Variants in LARGE1 observed in about 807,000 individuals in gnomAD.
LARGE1 encodes the protein xylosyl- and glucuronyltransferase LARGE1.
Under a neutral mutation model 87.6 loss-of-function variants are expected in LARGE1, and 43 were observed. The observed-to-expected ratio is 0.49, with a 90% CI of 0.38 to 0.63. The LOEUF is 0.63. LARGE1 is among the 30% of genes least tolerant of loss of function. LARGE1 has a pLI of 0.00. For synonymous variants in LARGE1, 434 were observed against 394.6 expected, an observed-to-expected ratio of 1.10 and a Z score of -1.18; for missense variants, 802 against 1,000.2, an observed-to-expected ratio of 0.80 and a Z score of 2.67.
the LARGE1 span, among the ~76,000 whole-genome samples, chr22:33,137,713 CCT>C: frequency 1.3e-5 from 2 of 151,966 alleles, no homozygotes. Flanking sequence ...GACTTGGTGC[CCT>C]GTGTCCCAGT....
At chr22:33,787,786 A>G (rs1157221278) in intron 1 of LARGE1, among the ~76,000 whole-genome samples, 1 of 152,232 alleles carries the variant, frequency 6.6e-6, no homozygotes, top group Non-Finnish European at 1.5e-5. Flanking sequence ...ACACTTGGTA[A>G]GAAGGAACTG....
At chr22:33,455,073 T>C (rs1007031250) in intron 6 of LARGE1, among the ~76,000 whole-genome samples, 15 of 152,256 alleles carry the variant, frequency 9.9e-5, no homozygotes, top group African/African-American at 3.4e-4. Context: ...ATATGTGTGT[T>C]TGACAGAAGG....
chr22:33,546,434 G>A (rs1228494174), intron 6 of LARGE1, among the ~76,000 whole-genome samples: 1 of 152,124 alleles, frequency 6.6e-6, no homozygotes, highest in Admixed American at 6.6e-5. Flanking sequence ...CCCAGGTTCC[G>A]AAATTAATGA....
intron 1 of LARGE1, among the ~76,000 whole-genome samples, chr22:33,868,421 T>A: frequency 6.6e-6 from 1 of 152,184 alleles, no homozygotes; most frequent in East Asian, 1.9e-4. Flanking sequence ...TCTTCCTGTA[T>A]CTGATCTACA....
At chr22:33,088,362 T>C in the LARGE1 span, among the ~76,000 whole-genome samples, 1 of 152,186 alleles carries the variant, frequency 6.6e-6, no homozygotes, top group Admixed American at 6.5e-5. Flanking sequence ...GTGTTAGATT[T>C]CCCTTCTTCA....
chr22:33,302,002 A>G (rs1934212195), intron 12 of LARGE1, among the ~76,000 whole-genome samples: 2 of 152,246 alleles, frequency 1.3e-5, no homozygotes, highest in African/African-American at 2.4e-5. Flanking sequence ...GGGCCAGCTC[A>G]CTTTCAATTG....
the LARGE1 span, among the ~76,000 whole-genome samples, chr22:33,084,464 G>A: frequency 6.6e-6 from 1 of 151,578 alleles, no homozygotes. Flanking sequence ...TTTGAGACCA[G>A]CCTGGACAAC....
chr22:33,186,170 T>C (rs1923464052), intron 11 of LARGE1, among the ~76,000 whole-genome samples: 1 of 152,196 alleles, frequency 6.6e-6, no homozygotes, highest in East Asian at 1.9e-4. Context: ...CAATTCATTT[T>C]ATAATGCCAG....
At chr22:33,871,990 A>AAAAAAAAAG (rs1434623467) in intron 1 of LARGE1, among the ~76,000 whole-genome samples, 1 of 151,522 alleles carries the variant, frequency 6.6e-6, no homozygotes, top group African/African-American at 2.4e-5. Flanking sequence ...AGCAAAAAAA[A>AAAAAAAAAG]AAAAAAAAGA....
intron 2 of LARGE1, among the ~76,000 whole-genome samples, chr22:33,717,170 C>T (rs1306470279): frequency 2.0e-5 from 3 of 152,124 alleles, no homozygotes; most frequent in Admixed American, 2.0e-4. Flanking sequence ...TTCATTTATT[C>T]ACTCATTCAT....
Position 33,277,202 on chromosome 22 carries a change from G to A in LARGE1, c.1931C>T (p.Thr644Ile). ...CTCAACCCGGTAAGGCGTGGTGGCG[G>A]TCCGCCACTTGGCGAAGTTTGTGGG... ...HAPTNFAKWR[T>I]ATTPYRVEWE... is the part of the protein sequence containing the mutation. The change falls in exon 14 of 15, where the codon ACC (threonine) becomes ATC (isoleucine). Residue 644 changes from threonine (T) to isoleucine (I), a missense_variant. Physicochemically the swap from Thr to Ile is moderately conservative, Grantham distance 89 (BLOSUM62 -1). Around this residue, in one of 2 missense-constraint regions of LARGE1, gnomAD observed 625 missense variants for 841.9 expected, o/e 0.74. Coordinates refer to ENST00000397394, the MANE Select transcript of LARGE1 (RefSeq NM_133642.5). The A allele has an allele frequency of 6.2e-7, 1 of 1,614,252 alleles. No individual in the cohort carries two copies. The highest frequency in any genetic ancestry group is 8.5e-7 in the Non-Finnish European group (1 of 1,180,046).
At chr22:33,745,077 G>GA (rs1024328303) in intron 2 of LARGE1, among the ~76,000 whole-genome samples, 1 of 152,184 alleles carries the variant, frequency 6.6e-6, no homozygotes, top group Non-Finnish European at 1.5e-5. Flanking sequence ...CTCAAAGCCT[G>GA]AAGGAGCCGA....
chr22:33,193,289 C>G (rs1923885131), intron 11 of LARGE1, among the ~76,000 whole-genome samples: 1 of 151,854 alleles, frequency 6.6e-6, no homozygotes, highest in Non-Finnish European at 1.5e-5. Flanking sequence ...AGTGAAAAAG[C>G]AAGAGAGTTT....
intron 6 of LARGE1, among the ~76,000 whole-genome samples, chr22:33,512,144 G>C (rs951695830): frequency 1.3e-5 from 2 of 152,136 alleles, no homozygotes; most frequent in East Asian, 1.9e-4. Flanking sequence ...AGAGACACTT[G>C]CCTCTTAGGA....
At chr22:33,185,410 G>T (rs1185659283) in intron 11 of LARGE1, among the ~76,000 whole-genome samples, 1 of 152,156 alleles carries the variant, frequency 6.6e-6, no homozygotes, top group Non-Finnish European at 1.5e-5. Flanking sequence ...TGATAAGAGG[G>T]ATGAATTGGT....
chr22:33,498,549 C>T (rs572726060), intron 6 of LARGE1, among the ~76,000 whole-genome samples: 85 of 152,318 alleles, frequency 5.6e-4, no homozygotes, highest in Non-Finnish European at 1.1e-3. Flanking sequence ...TTCTAAACAC[C>T]TAAGGGTTGG....
chr22:33,205,564 T>G (rs1414498575), intron 11 of LARGE1, among the ~76,000 whole-genome samples: 1 of 152,198 alleles, frequency 6.6e-6, no homozygotes, highest in African/African-American at 2.4e-5. Flanking sequence ...GCATTCTCAT[T>G]TGTAGCCAGC....
chr22:33,250,512 C>A (rs1376978572), intron 11 of LARGE1, among the ~76,000 whole-genome samples: 8 of 152,118 alleles, frequency 5.3e-5, no homozygotes, highest in Non-Finnish European at 8.8e-5. Flanking sequence ...CTCTTCTTTC[C>A]TTTTCTTGTC....
intron 2 of LARGE1, among the ~76,000 whole-genome samples, chr22:33,651,082 T>A: frequency 6.7e-6 from 1 of 148,782 alleles, no homozygotes; most frequent in African/African-American, 2.5e-5. Context: ...AGAGAACGAG[T>A]AATAAGGAAA....
Sources: gnomAD v4.1 joint callset for allele counts (sites outside exome capture counted in the v4.1 genomes callset) on GRCh38, gnomAD v4.1.1 for gene constraint, gnomAD v4.1.1 regional missense constraint, MANE v1.5 for transcripts, NCBI Gene and HGNC (gene_info 2026-07-23, HGNC 2026-07-21) for gene names.